The following ZNF469 variants were observed in gnomAD, a reference collection of about 807,000 sequenced individuals.
The protein encoded by ZNF469 is zinc finger protein 469.
A neutral mutation model predicts 1.0 loss-of-function variants in ZNF469; 1 was observed. The ratio of observed to expected loss-of-function variants is 1.00; its 90% CI spans 0.35 to 4.73. The LOEUF (loss-of-function observed/expected upper bound fraction) is 4.73, where lower values mean the gene tolerates loss of function less well. Ranked by LOEUF, ZNF469 falls within the 30% of genes most tolerant of loss-of-function variation. The probability of loss-of-function intolerance (pLI) is 0.16; values close to 1 mark genes in which losing one functional copy is unlikely to be tolerated. For synonymous variants in ZNF469, 2,703 were observed against 2,363.4 expected (o/e 1.14, Z -4.17); for missense variants, 6,100 against 5,356.3 (o/e 1.14, Z -4.33).
the ZNF469 span, among the ~76,000 whole-genome samples, chr16:88,110,700 G>A: frequency 6.6e-6 from 1 of 152,156 alleles, no homozygotes; most frequent in Non-Finnish European, 1.5e-5. Context: ...GTCTTCTCTA[G>A]ACAAAAAATG....
At chr16:88,291,654 C>G in the ZNF469 span, among the ~76,000 whole-genome samples, 1 of 152,046 alleles carries the variant, frequency 6.6e-6, no homozygotes, top group Non-Finnish European at 1.5e-5. Flanking sequence ...CATGCAGACG[C>G]CCCCCTTCAT....
chr16:88,203,614 C>T, the ZNF469 span, among the ~76,000 whole-genome samples: 1 of 152,188 alleles, frequency 6.6e-6, no homozygotes, highest in African/African-American at 2.4e-5. Context: ...GGGGGGTCTC[C>T]CGGGGATCCT....
rs1411336902 is a variant in ZNF469, at chr16:88,431,895, C to T, written c.4425C>T (p.Asn1475=). ...DPPLYGSLSA[N]RDSGLPFACA... ...CCCTCTATGGCAGCCTGTCTGCGAA[C>T]AGGGACTCCGGTCTGCCGTTCGCAT... Residue 1475 remains asparagine (N), a synonymous_variant, in exon 3 of 3, where the codon AAC becomes AAT. Transcript: ENST00000565624. The T allele has an allele frequency of 6.5e-7, 1 of 1,549,884 alleles. No individual in the cohort carries two copies. Among genetic ancestry groups the T allele is most frequent in the South Asian group, 1.2e-5 (1 of 84,050 alleles).
chr16:88,361,487 A>T, the ZNF469 span, among the ~76,000 whole-genome samples: 1 of 152,234 alleles, frequency 6.6e-6, no homozygotes. Flanking sequence ...GATGATGTTG[A>T]CACCTTTCCA....
the ZNF469 span, among the ~76,000 whole-genome samples, chr16:88,123,805 C>A: frequency 1.3e-5 from 2 of 152,136 alleles, no homozygotes; most frequent in African/African-American, 4.8e-5. Flanking sequence ...AGATATTTGA[C>A]TCTTTTTTAA....
At chr16:88,376,575 C>T in the ZNF469 span, among the ~76,000 whole-genome samples, 6 of 152,240 alleles carry the variant, frequency 3.9e-5, no homozygotes, top group Non-Finnish European at 7.3e-5. Context: ...CGCGGCCGGC[C>T]GGTCTCCACC....
chr16:88,182,835 C>G, the ZNF469 span, among the ~76,000 whole-genome samples: 1 of 151,694 alleles, frequency 6.6e-6, no homozygotes, highest in Non-Finnish European at 1.5e-5. Flanking sequence ...ATTTGATAGT[C>G]AAAGATTCTT....
chr16:88,412,896 C>A (rs1468184252), intron 1 of ZNF469, among the ~76,000 whole-genome samples: 1 of 152,310 alleles, frequency 6.6e-6, no homozygotes, highest in Middle Eastern at 3.4e-3. Context: ...AGAAAGTCTG[C>A]CACTGTGCTC....
chr16:88,343,921 A>G, the ZNF469 span, among the ~76,000 whole-genome samples: 1 of 152,142 alleles, frequency 6.6e-6, no homozygotes, highest in East Asian at 1.9e-4. Context: ...GGAGATGCTG[A>G]CAAACACGAC....
At chr16:88,110,222 C>T in the ZNF469 span, among the ~76,000 whole-genome samples, 1 of 152,246 alleles carries the variant, frequency 6.6e-6, no homozygotes, top group Admixed American at 6.5e-5. Context: ...TCAGAACCCC[C>T]TGGAGGGTGA....
chr16:88,247,543 A>AGTGAGTGAGTGAATGG, the ZNF469 span, among the ~76,000 whole-genome samples: 117 of 150,254 alleles, frequency 7.8e-4, no homozygotes, highest in Non-Finnish European at 1.3e-3. Context: ...TGAGTGAATG[A>AGTGAGTGAGTGAATGG]GTGAATGAAT....
chr16:88,139,168 T>A, the ZNF469 span, among the ~76,000 whole-genome samples: 1 of 99,932 alleles, frequency 1.0e-5, no homozygotes, highest in African/African-American at 2.5e-5. Flanking sequence ...CAGAGACTGC[T>A]CTGCATCCCA....
intron 1 of ZNF469, among the ~76,000 whole-genome samples, chr16:88,386,441 G>A (rs893099727): frequency 7.3e-5 from 11 of 151,442 alleles, no homozygotes; most frequent in African/African-American, 1.7e-4. Flanking sequence ...CCCCACCCTC[G>A]TGGGAACACC....
the ZNF469 span, among the ~76,000 whole-genome samples, chr16:88,301,720 T>C: frequency 6.6e-6 from 1 of 152,222 alleles, no homozygotes; most frequent in Non-Finnish European, 1.5e-5. Flanking sequence ...GGGCCAGCTT[T>C]GTCTCCGCCC....
At chr16:88,221,576 C>T in the ZNF469 span, among the ~76,000 whole-genome samples, 3 of 152,228 alleles carry the variant, frequency 2.0e-5, no homozygotes, top group African/African-American at 4.8e-5. Context: ...GCCCCGGCTG[C>T]GGGCCAGCGT....
chr16:88,118,921 G>A, the ZNF469 span, among the ~76,000 whole-genome samples: 4 of 152,292 alleles, frequency 2.6e-5, no homozygotes, highest in African/African-American at 9.6e-5. Context: ...TGCATTCCAC[G>A]GAGATGCAGT....
chr16:88,304,020 A>G, the ZNF469 span, among the ~76,000 whole-genome samples: 3 of 152,218 alleles, frequency 2.0e-5, no homozygotes, highest in Non-Finnish European at 4.4e-5. Flanking sequence ...GCAGCTTTCC[A>G]GAGGTAATGG....
Position 88,439,340 on chromosome 16 carries a change from G to C in ZNF469, c.*8G>C. 1 of 1,550,094 alleles carries C rather than the reference G, an allele frequency of 6.5e-7. No individual in the cohort carries two copies. The highest frequency in any genetic ancestry group is 8.7e-7 in the Non-Finnish European group (1 of 1,146,932). ...AAAGATGCTTCCGAGTAATTTCTAG[G>C]AGCAAGAGCCTGGGACCGGAGCTGG... On this transcript the variant is annotated 3_prime_UTR_variant, in exon 3 of 3. Transcript: ENST00000565624.
chr16:88,371,972 C>CCAT, the ZNF469 span, among the ~76,000 whole-genome samples: 114 of 23,196 alleles, frequency 4.9e-3, no homozygotes, highest in African/African-American at 0.02. Context: ...ATCACCATCA[C>CCAT]CACCATCATC....
Sources: allele counts gnomAD v4.1 joint callset (sites outside exome capture counted in the v4.1 genomes callset), GRCh38; gene constraint gnomAD v4.1.1; transcripts MANE v1.5; gene names NCBI Gene and HGNC (gene_info 2026-07-23, HGNC 2026-07-21).